The following GABRB3 variants were observed in gnomAD, a reference collection of about 807,000 sequenced individuals.
GABRB3 encodes gamma-aminobutyric acid type A receptor subunit beta3, also known as gamma-aminobutyric acid receptor subunit beta-3.
Under a neutral mutation model 52.1 loss-of-function variants are expected in GABRB3, and 14 were observed. That is an observed-to-expected ratio of 0.27 (90% CI 0.18 to 0.42). The LOEUF is 0.42. Ranked by LOEUF, GABRB3 falls within the 10% of genes least tolerant of loss-of-function variation. GABRB3 has a pLI of 1.00. For missense variants in GABRB3, 307 were observed against 609.1 expected (o/e 0.50, Z 5.22); for synonymous variants, 260 against 232.3 (o/e 1.12, Z -1.08).
At chr15:26,678,728 C>T (rs1482750089) in intron 3 of GABRB3, among the ~76,000 whole-genome samples, 1 of 152,110 alleles carries the variant, frequency 6.6e-6, no homozygotes, top group Admixed American at 6.5e-5. Flanking sequence ...AAGGTGAGTT[C>T]TGAAGGACAG....
intron 3 of GABRB3, among the ~76,000 whole-genome samples, chr15:26,738,582 G>C (rs779482824): frequency 1.3e-5 from 2 of 152,170 alleles, no homozygotes; most frequent in Non-Finnish European, 2.9e-5. Context: ...CACACACTGA[G>C]ACTGCAAACC....
chr15:26,571,829 C>T (rs146634511), intron 6 of GABRB3, among the ~76,000 whole-genome samples: 5 of 152,116 alleles, frequency 3.3e-5, no homozygotes, highest in African/African-American at 9.6e-5. Flanking sequence ...GCAGGTGAAT[C>T]GCGAGGTCAA....
intron 4 of GABRB3, among the ~76,000 whole-genome samples, chr15:26,586,684 C>A (rs1416926525): frequency 3.1e-4 from 3 of 9,574 alleles, no homozygotes; most frequent in East Asian, 0.016. Flanking sequence ...AAGACTCCAT[C>A]TCAAAAAAAA....
At chr15:26,597,347 T>C (rs1398252330) in intron 4 of GABRB3, among the ~76,000 whole-genome samples, 1 of 152,186 alleles carries the variant, frequency 6.6e-6, no homozygotes, top group Non-Finnish European at 1.5e-5. Context: ...TGGAAATAGA[T>C]TTCTTGGGAG....
chr15:26,667,868 T>C (rs1039511290), intron 3 of GABRB3, among the ~76,000 whole-genome samples: 3 of 152,030 alleles, frequency 2.0e-5, no homozygotes, highest in Admixed American at 2.0e-4. Flanking sequence ...GGTCTGCAAA[T>C]CCCGTATGAA....
At chr15:26,582,661 T>G (rs775318412) in intron 5 of GABRB3, among the ~76,000 whole-genome samples, 5 of 152,196 alleles carry the variant, frequency 3.3e-5, no homozygotes, top group Non-Finnish European at 7.4e-5. Context: ...TTGTTTCAAG[T>G]GGGACTGCAA....
Position 26,554,176 on chromosome 15 carries a change from G to GTATATATA in GABRB3, c.1081-6050_1081-6043dup, listed in dbSNP as rs71130258. ...TATATATAAAGTATATATATATAAA[G>GTATATATA]TATATATATATATACTATATATATA... On this transcript the variant is annotated intron_variant, in intron 8 of 8. Transcript: ENST00000311550. Among the ~76,000 whole-genome samples the GTATATATA allele has an allele frequency of 1.5e-4, 4 of 27,344 alleles. 1 individual carries two copies. Among genetic ancestry groups the GTATATATA allele is most frequent in the Non-Finnish European group, 3.0e-4 (4 of 13,538 alleles). The allele number at this position is 27,344 out of a possible 152,430, so 17.9% of individuals were successfully genotyped here. A position where few individuals can be genotyped will look rare whatever the true frequency, so the allele number is the denominator to read the frequency against.
intron 6 of GABRB3, among the ~76,000 whole-genome samples, chr15:26,575,467 T>G (rs1376836619): frequency 6.6e-6 from 1 of 152,216 alleles, no homozygotes; most frequent in Non-Finnish European, 1.5e-5. Context: ...AAATTACAAA[T>G]AAAAGACAGA....
chr15:26,766,017 C>A (rs1890986593), intron 3 of GABRB3, among the ~76,000 whole-genome samples: 1 of 152,148 alleles, frequency 6.6e-6, no homozygotes, highest in Admixed American at 6.5e-5. Flanking sequence ...ATGAGGTTAA[C>A]ACCTCTATTA....
In GABRB3 at chr15:26,639,754, A is replaced by C. The variant is rs573643975; in HGVS notation, c.241-18220T>G. Among the ~76,000 whole-genome samples, 20 of 152,344 alleles carry C rather than the reference A, an allele frequency of 1.3e-4. No homozygotes were observed. In the South Asian group the frequency reaches 3.7e-3, roughly 28 times the overall value. ...TTGTGAAATTCAGACATGCCAGTAC[A>C]TTCGATTTCTTTAAGCTGTTGGGTA... On this transcript the variant is annotated intron_variant, in intron 3 of 8. Coordinates refer to ENST00000311550, the MANE Select transcript of GABRB3 (RefSeq NM_000814.6).
intron 3 of GABRB3, among the ~76,000 whole-genome samples, chr15:26,757,911 T>C (rs539568916): frequency 1.3e-5 from 2 of 152,304 alleles, no homozygotes; most frequent in African/African-American, 2.4e-5. Flanking sequence ...GCATCAAAAC[T>C]AGTGTTTTGC....
chr15:26,624,963 G>A, intron 3 of GABRB3: 4 of 985,452 alleles, frequency 4.1e-6, no homozygotes, highest in Non-Finnish European at 4.8e-6. Flanking sequence ...TCCACGCCCT[G>A]TGCTACCTAG....
At chr15:26,741,339 A>G (rs1243769844) in intron 3 of GABRB3, among the ~76,000 whole-genome samples, 1 of 152,172 alleles carries the variant, frequency 6.6e-6, no homozygotes, top group Non-Finnish European at 1.5e-5. Context: ...CAGTGCCATT[A>G]CCAGACACTG....
Position 26,545,715 on chromosome 15 carries a change from C to G in GABRB3, c.*2078G>C, listed in dbSNP as rs1311811670. 2 of 152,434 alleles carry G rather than the reference C, an allele frequency of 1.3e-5. No homozygotes were observed. The highest frequency in any genetic ancestry group is 4.8e-5 in the African/African-American group (2 of 41,392). The allele number at this position is 152,434 out of a possible 1,614,324, so 9.4% of individuals were successfully genotyped here. On this transcript the variant is annotated 3_prime_UTR_variant, in exon 9 of 9. Transcript: ENST00000311550. ...GCCACTTAACAAGGTTTTTCCCAAT[C>G]TGTTTAACTTTTAGGATCCCCCATT...
intron 3 of GABRB3, among the ~76,000 whole-genome samples, chr15:26,628,472 T>C (rs184389728): frequency 1.3e-5 from 2 of 152,214 alleles, no homozygotes; most frequent in South Asian, 2.1e-4. Context: ...CGAAGGGATA[T>C]GGCAATCAGA....
intron 3 of GABRB3, among the ~76,000 whole-genome samples, chr15:26,628,495 T>A (rs555689993): frequency 3.3e-4 from 50 of 152,206 alleles, no homozygotes; most frequent in Non-Finnish European, 5.9e-4. Context: ...AAGAAGCCAC[T>A]TCTGGGAAGG....
At chr15:26,583,031 G>A (rs1480386454) in intron 5 of GABRB3, among the ~76,000 whole-genome samples, 2 of 152,148 alleles carry the variant, frequency 1.3e-5, no homozygotes, top group African/African-American at 4.8e-5. Flanking sequence ...CCACTCATGA[G>A]TGATGAAGCA....
At chr15:26,649,302 C>T (rs1887118726) in intron 3 of GABRB3, among the ~76,000 whole-genome samples, 1 of 152,100 alleles carries the variant, frequency 6.6e-6, no homozygotes, top group Admixed American at 6.5e-5. Context: ...TCTGTCTCCT[C>T]TTCCATATTA....
intron 3 of GABRB3, among the ~76,000 whole-genome samples, chr15:26,673,283 T>C (rs1041224000): frequency 6.6e-6 from 1 of 152,162 alleles, no homozygotes; most frequent in African/African-American, 2.4e-5. Flanking sequence ...AGAGGGTAGA[T>C]GCAGGCAACT....
Sources: allele counts gnomAD v4.1 joint callset (sites outside exome capture counted in the v4.1 genomes callset), GRCh38; gene constraint gnomAD v4.1.1; transcripts MANE v1.5; gene names NCBI Gene and HGNC (gene_info 2026-07-23, HGNC 2026-07-21).